CAMK4: variants seen among roughly 807,000 people sequenced by gnomAD.
The protein encoded by CAMK4 is calcium/calmodulin-dependent protein kinase type IV.
A neutral mutation model predicts 44.9 loss-of-function variants in CAMK4; 22 were observed. The ratio of observed to expected loss-of-function variants is 0.49; its 90% CI spans 0.35 to 0.70. The LOEUF (loss-of-function observed/expected upper bound fraction) is 0.70. Ranked by LOEUF, CAMK4 falls within the 30% of genes least tolerant of loss-of-function variation. The pLI is 0.01. For synonymous variants in CAMK4, 218 were observed against 215.4 expected, an observed-to-expected ratio of 1.01 and a Z score of -0.11; for missense variants, 498 against 586.8, an observed-to-expected ratio of 0.85 and a Z score of 1.56.
intron 1 of CAMK4, among the ~76,000 whole-genome samples, chr5:111,325,751 A>C (rs962559681): frequency 1.3e-5 from 2 of 151,916 alleles, no homozygotes; most frequent in Non-Finnish European, 2.9e-5. Context: ...AATTTGTTTA[A>C]GTTCCTTGTA....
At chr5:111,279,380 G>A (rs1432680908) in intron 1 of CAMK4, among the ~76,000 whole-genome samples, 1 of 152,128 alleles carries the variant, frequency 6.6e-6, no homozygotes, top group Non-Finnish European at 1.5e-5. Flanking sequence ...GCAGATCTCA[G>A]CTGTCTCTGT....
In CAMK4 at chr5:111,491,173, C is replaced by T. The variant is rs529039038; in HGVS notation, c.*6707C>T. 1 of 152,252 alleles carries T rather than the reference C, an allele frequency of 6.6e-6. No homozygotes were observed. The highest frequency in any genetic ancestry group is 2.1e-4 in the South Asian group (1 of 4,826). The allele number at this position is 152,252 out of a possible 1,614,324, so 9.4% of individuals were successfully genotyped here. On this transcript the variant is annotated 3_prime_UTR_variant, in exon 11 of 11. Coordinates refer to ENST00000282356, the MANE Select transcript of CAMK4 (RefSeq NM_001744.6). ...CTCCAAAAATTTTTCAGAACTCAAG[C>T]AACCAATGATTCACAGAGCAAATCT...
chr5:111,301,078 G>GA (rs1561395427), intron 1 of CAMK4, among the ~76,000 whole-genome samples: 1 of 146,608 alleles, frequency 6.8e-6, no homozygotes. Flanking sequence ...TGGCTTACTG[G>GA]TTTTTTTTTT....
At chr5:111,413,273 A>G (rs1752693119) in intron 5 of CAMK4, among the ~76,000 whole-genome samples, 1 of 152,198 alleles carries the variant, frequency 6.6e-6, no homozygotes, top group Non-Finnish European at 1.5e-5. Context: ...GTTTGGAGGC[A>G]GTTATTAAAA....
chr5:111,441,845 A>C lies in CAMK4; in HGVS notation c.460-4841A>C, dbSNP rs569988820. Among the ~76,000 whole-genome samples the C allele has an allele frequency of 3.9e-5, 6 of 152,312 alleles. No individual in the cohort carries two copies. In the South Asian group the frequency reaches 1.2e-3, roughly 32 times the overall value. ...CTCCATGATTAGGTATTTCTTTGTC[A>C]GCTCTATAGATAGCATTAATATGAT... On this transcript the variant is annotated intron_variant, in intron 5 of 10. Transcript: ENST00000282356.
chr5:111,393,378 A>T (rs936128549), intron 4 of CAMK4, among the ~76,000 whole-genome samples: 6 of 152,208 alleles, frequency 3.9e-5, no homozygotes, highest in Non-Finnish European at 7.4e-5. Context: ...AAAGACATCA[A>T]GGTATAGAAT....
chr5:111,285,032 C>T (rs1427680192), intron 1 of CAMK4, among the ~76,000 whole-genome samples: 1 of 152,188 alleles, frequency 6.6e-6, no homozygotes, highest in East Asian at 1.9e-4. Context: ...TTTAACATTT[C>T]ATGCATGGCG....
intron 2 of CAMK4, among the ~76,000 whole-genome samples, chr5:111,361,933 G>T (rs571499641): frequency 3.3e-5 from 5 of 151,976 alleles, no homozygotes; most frequent in African/African-American, 1.2e-4. Flanking sequence ...CTCTGACTGG[G>T]GTGGAACATT....
At chr5:111,471,486 G>A (rs1261665395) in intron 7 of CAMK4, among the ~76,000 whole-genome samples, 1 of 152,174 alleles carries the variant, frequency 6.6e-6, no homozygotes, top group Non-Finnish European at 1.5e-5. Context: ...AAGCCTCAGT[G>A]ATTTCGCCAT....
intron 1 of CAMK4, among the ~76,000 whole-genome samples, chr5:111,340,399 C>T (rs535706511): frequency 2.0e-5 from 3 of 151,088 alleles, no homozygotes; most frequent in East Asian, 1.9e-4. Flanking sequence ...TCTTTCTATA[C>T]GTAATTTGTT....
intron 2 of CAMK4, among the ~76,000 whole-genome samples, chr5:111,347,958 C>T (rs1749936603): frequency 6.6e-6 from 1 of 151,876 alleles, no homozygotes; most frequent in South Asian, 2.1e-4. Flanking sequence ...AATAAGGAAA[C>T]CCATCTAATT....
intron 9 of CAMK4, among the ~76,000 whole-genome samples, chr5:111,479,983 G>T (rs887176741): frequency 3.3e-5 from 5 of 151,668 alleles, no homozygotes; most frequent in African/African-American, 1.2e-4. Flanking sequence ...TAAATAAATC[G>T]CATCATGTCC....
intron 2 of CAMK4, among the ~76,000 whole-genome samples, chr5:111,348,325 A>G (rs72780366): frequency 3.7e-4 from 57 of 152,146 alleles, no homozygotes; most frequent in Non-Finnish European, 6.0e-4. Context: ...ATAGGAATAC[A>G]GGTTAAAGCA....
At chr5:111,423,330 C>T (rs897889818) in intron 5 of CAMK4, among the ~76,000 whole-genome samples, 2 of 152,140 alleles carry the variant, frequency 1.3e-5, no homozygotes, top group Non-Finnish European at 1.5e-5. Flanking sequence ...TTTTATAGAA[C>T]TTGACATGAT....
intron 5 of CAMK4, among the ~76,000 whole-genome samples, chr5:111,415,920 A>G (rs532493922): frequency 5.9e-5 from 9 of 152,364 alleles, no homozygotes; most frequent in East Asian, 1.9e-4. Flanking sequence ...TAATCTACAG[A>G]TGATTTAAAG....
intron 5 of CAMK4, among the ~76,000 whole-genome samples, chr5:111,430,354 T>G (rs1753399319): frequency 6.6e-6 from 1 of 152,170 alleles, no homozygotes; most frequent in African/African-American, 2.4e-5. Context: ...ACAGCTAGTA[T>G]TATACTGAGT....
intron 8 of CAMK4, 148 bp downstream of exon 8, chr5:111,473,534 T>A: frequency 1.6e-6 from 1 of 607,134 alleles, no homozygotes; most frequent in Non-Finnish European, 2.9e-6. Context: ...GTGATAGAAT[T>A]TCCTGAAAAT....
At chr5:111,379,129 AG>A (rs1751322218) in intron 4 of CAMK4, among the ~76,000 whole-genome samples, 4 of 152,162 alleles carry the variant, frequency 2.6e-5, no homozygotes, top group Non-Finnish European at 5.9e-5. Flanking sequence ...ATGGTCTATC[AG>A]TGAGAACTCT....
chr5:111,443,359 G>A lies in CAMK4; in HGVS notation c.460-3327G>A, dbSNP rs536897429. On this transcript the variant is annotated intron_variant, in intron 5 of 10. Transcript: ENST00000282356. ...ATACTATATATATACTATATATATA[G>A]TATATATATATGAATATATCATGAC... is the stretch of plus-strand genomic sequence containing the variant. Among the ~76,000 whole-genome samples, 247 of 109,860 alleles carry A rather than the reference G, an allele frequency of 2.2e-3. 1 individual carries two copies. Among genetic ancestry groups the A allele is most frequent in the African/African-American group, 8.4e-3 (235 of 27,918 alleles). The allele number at this position is 109,860 out of a possible 152,430, so 72.1% of individuals were successfully genotyped here.
Sources: allele counts gnomAD v4.1 joint callset (sites outside exome capture counted in the v4.1 genomes callset), GRCh38; gene constraint gnomAD v4.1.1; transcripts MANE v1.5; gene names NCBI Gene and HGNC (gene_info 2026-07-23, HGNC 2026-07-21).